CLCN5: variants seen among roughly 807,000 people sequenced by gnomAD.
CLCN5 encodes the protein Cl-/H+ antiporter 5, also known as H(+)/Cl(-) exchange transporter 5.
CLCN5 carries 17 observed loss-of-function variants against 54.0 expected under a neutral mutation model. That is an observed-to-expected ratio of 0.31 (90% CI 0.22 to 0.47). The LOEUF (loss-of-function observed/expected upper bound fraction) is 0.47, where lower values mean the gene tolerates loss of function less well. Ranked by LOEUF, CLCN5 falls within the 20% of genes least tolerant of loss-of-function variation. CLCN5 has a pLI of 1.00. For missense variants in CLCN5, 448 were observed against 646.7 expected (o/e 0.69, Z 3.33); for synonymous variants, 222 against 233.0 (o/e 0.95, Z 0.43).
chrX:50,053,122 T>C (rs1932643625), intron 4 of CLCN5, among the ~76,000 whole-genome samples: 1 of 111,778 alleles, frequency 8.9e-6, no homozygotes, highest in African/African-American at 3.2e-5. Context: ...TTACAAAATA[T>C]GTGTAAACTT....
chrX:49,984,857 T>A (rs1928921904), intron 3 of CLCN5, among the ~76,000 whole-genome samples: 1 of 110,763 alleles, frequency 9.0e-6, no homozygotes, highest in Non-Finnish European at 1.9e-5. Context: ...GGCTCGAATA[T>A]CCTCACACCT....
intron 3 of CLCN5, among the ~76,000 whole-genome samples, chrX:49,938,314 A>T (rs1473057963): frequency 2.7e-5 from 3 of 112,137 alleles, no homozygotes; most frequent in African/African-American, 9.7e-5. Flanking sequence ...GAACCAAAAA[A>T]GAGCCCACAT....
At chrX:50,011,226 G>A (rs1930483259) in intron 3 of CLCN5, among the ~76,000 whole-genome samples, 1 of 111,452 alleles carries the variant, frequency 9.0e-6, no homozygotes, top group Admixed American at 9.5e-5. Context: ...TAAAAGGACA[G>A]AGCTTTTGCA....
chrX:49,933,924 G>T (rs1925789034), intron 3 of CLCN5, among the ~76,000 whole-genome samples: 1 of 111,499 alleles, frequency 9.0e-6, no homozygotes, highest in Admixed American at 9.6e-5. Flanking sequence ...ACTGGAAGGG[G>T]TCTTCAGAGG....
rs60257335 is a variant in CLCN5 at position 50,002,681 on chromosome X, C to CTGTGTGTG, written c.17-39606_17-39599dup. On this transcript the variant is annotated intron_variant, in intron 3 of 14. Coordinates refer to ENST00000376091, the MANE Select transcript of CLCN5 (RefSeq NM_001127898.4). ...TGTCTCTGTCTCTCTCTCTCTCTCT[C>CTGTGTGTG]TGTGTGTGTGTGTGTGTGTGTGTGT... Among the ~76,000 whole-genome samples, 24 of 94,772 alleles carry CTGTGTGTG rather than the reference C, an allele frequency of 2.5e-4. 1 individual carries two copies. The highest frequency in any genetic ancestry group is 8.9e-4 in the African/African-American group (21 of 23,708). 82.3% of individuals were successfully genotyped at this position (94,772 alleles called of 115,157 possible).
intron 3 of CLCN5, among the ~76,000 whole-genome samples, chrX:50,036,178 C>T (rs1344591260): frequency 9.3e-6 from 1 of 107,558 alleles, no homozygotes; most frequent in Non-Finnish European, 1.9e-5. Context: ...TTTCTCATTA[C>T]TCTGCAGCTT....
At chrX:50,085,912 A>G in intron 9 of CLCN5, 68 bp from the exon 10 acceptor site, 1 of 893,114 alleles carries the variant, frequency 1.1e-6, no homozygotes, top group Non-Finnish European at 1.7e-6. Context: ...CATTTCTTCT[A>G]AAAATGTGAT....
At chrX:50,073,905 A>G (rs919669616) in intron 6 of CLCN5, among the ~76,000 whole-genome samples, 9 of 111,688 alleles carry the variant, frequency 8.1e-5, no homozygotes, top group African/African-American at 2.9e-4. Flanking sequence ...TCCTTGGGCT[A>G]TAGTTTGCCA....
intron 3 of CLCN5, among the ~76,000 whole-genome samples, chrX:49,989,098 G>A (rs1332789181): frequency 9.5e-6 from 1 of 105,071 alleles, no homozygotes; most frequent in Non-Finnish European, 1.9e-5. Context: ...TTGGAGACAG[G>A]TTCTCTCTCT....
intron 3 of CLCN5, among the ~76,000 whole-genome samples, chrX:49,953,558 G>A (rs901613208): frequency 2.7e-5 from 3 of 111,413 alleles, no homozygotes; most frequent in African/African-American, 9.8e-5. Flanking sequence ...TTCCTGCCTC[G>A]GCCTCTCAAA....
intron 3 of CLCN5, among the ~76,000 whole-genome samples, chrX:49,988,569 C>T (rs1485471205): frequency 1.7e-4 from 19 of 111,209 alleles, no homozygotes; most frequent in Admixed American, 1.6e-3. Context: ...ATGACAGTAC[C>T]ACCACTCTTT....
chrX:50,073,238 C>T (rs1933285897), intron 6 of CLCN5, among the ~76,000 whole-genome samples: 2 of 111,711 alleles, frequency 1.8e-5, no homozygotes, highest in African/African-American at 6.5e-5. Flanking sequence ...GCCAAGGACA[C>T]TAGGTAGAGA....
chrX:50,077,619 AGAGTGT>A (rs1318865327), intron 7 of CLCN5, among the ~76,000 whole-genome samples: 2 of 88,383 alleles, frequency 2.3e-5, no homozygotes, highest in African/African-American at 4.7e-5. Context: ...AGAGAGAGAG[AGAGTGT>A]GTGTGTGTGT....
intron 7 of CLCN5, among the ~76,000 whole-genome samples, chrX:50,079,334 T>C (rs1602120030): frequency 8.9e-6 from 1 of 112,328 alleles, no homozygotes; most frequent in East Asian, 2.8e-4. Context: ...GTTCTCTTTG[T>C]CTAGGTCAGT....
intron 6 of CLCN5, 33 bp downstream of exon 6, chrX:50,072,621 T>C (rs782578388): frequency 2.8e-6 from 3 of 1,055,710 alleles, no homozygotes; most frequent in Non-Finnish European, 4.0e-6. Context: ...AAAACAAATC[T>C]CCTAAAATTG....
intron 4 of CLCN5, among the ~76,000 whole-genome samples, chrX:50,044,878 A>T (rs1281867122): frequency 3.6e-5 from 4 of 111,155 alleles, no homozygotes; most frequent in Non-Finnish European, 5.7e-5. Context: ...CAATTCATTC[A>T]ACAAATAGTT....
chrX:49,969,744 T>C (rs1243865847), intron 3 of CLCN5, among the ~76,000 whole-genome samples: 4 of 112,145 alleles, frequency 3.6e-5, no homozygotes, highest in Admixed American at 2.8e-4. Context: ...CTTCTGCTGT[T>C]GTTGGGTGGT....
intron 3 of CLCN5, among the ~76,000 whole-genome samples, chrX:50,031,574 G>A (rs1427892324): frequency 2.7e-5 from 3 of 111,488 alleles, no homozygotes; most frequent in Non-Finnish European, 5.7e-5. Context: ...GCAGACTGTA[G>A]TATGGGTGAA....
At chrX:49,944,142 A>G (rs1431718654) in intron 3 of CLCN5, among the ~76,000 whole-genome samples, 1 of 111,494 alleles carries the variant, frequency 9.0e-6, no homozygotes, top group Non-Finnish European at 1.9e-5. Context: ...TTGGATTACT[A>G]GGTATTTTAT....
Sources: allele counts gnomAD v4.1 joint callset (sites outside exome capture counted in the v4.1 genomes callset), GRCh38; gene constraint gnomAD v4.1.1; transcripts MANE v1.5; gene names NCBI Gene and HGNC (gene_info 2026-07-23, HGNC 2026-07-21).